The following OR5D16 variants were observed in gnomAD, a reference collection of about 807,000 sequenced individuals.
The protein encoded by OR5D16 is olfactory receptor 5D16.
For synonymous variants in OR5D16, 185 were observed against 153.2 expected, an observed-to-expected ratio of 1.21 and a Z score of -1.53; for missense variants, 477 against 385.5, an observed-to-expected ratio of 1.24 and a Z score of -1.99.
chr11:55,839,249 A>C lies in OR5D16; in HGVS notation c.498A>C (p.Leu166Phe), dbSNP rs745715825. The change falls in exon 1 of 1, where the codon TTA (leucine) becomes TTC (phenylalanine). Residue 166 changes from leucine (L) to phenylalanine (F), a missense_variant. Leu to Phe is a conservative substitution (Grantham distance 22, BLOSUM62 0). Coordinates refer to ENST00000378396, the MANE Select transcript of OR5D16 (RefSeq NM_001005496.1). ...CCCTGACACTCGCGTGCTCTGCTTT[A>C]AAGTTATCTTTTCATGGTTTCAACA... is the stretch of plus-strand genomic sequence containing the variant. ...ACSLTLACSA[L>F]KLSFHGFNTI... 1 of 1,613,970 alleles carries C rather than the reference A, an allele frequency of 6.2e-7. No homozygotes were observed. The highest frequency in any genetic ancestry group is 8.5e-7 in the Non-Finnish European group (1 of 1,179,968).
chr11:55,838,926 A>AC lies in OR5D16; in HGVS notation c.180dup (p.Met61HisfsTer32), dbSNP rs1854047399. 1 of 1,613,466 alleles carries AC rather than the reference A, an allele frequency of 6.2e-7. No individual in the cohort carries two copies. The highest frequency in any genetic ancestry group is 1.3e-5 in the African/African-American group (1 of 74,824). On this transcript the variant is annotated frameshift_variant, in exon 1 of 1. Coordinates refer to ENST00000378396, the MANE Select transcript of OR5D16 (RefSeq NM_001005496.1). LOFTEE classifies it low-confidence loss of function (END_TRUNC). Reference sequence around the variant, plus strand: ...CATCAAAATTAACCCAAAATTGCATACCCCCATGTATTTTTTCCTCAACCA... The same window carrying AC: ...CATCAAAATTAACCCAAAATTGCATACCCCCCATGTATTTTTTCCTCAACCA...
Position 55,838,913 on chromosome 11 carries a change from C to T in OR5D16, c.162C>T (p.Asn54=), listed in dbSNP as rs771450062. The T allele has an allele frequency of 6.2e-7, 1 of 1,613,944 alleles. No individual in the cohort carries two copies. Among genetic ancestry groups the T allele is most frequent in the Non-Finnish European group, 8.5e-7 (1 of 1,179,914 alleles). Residue 54 remains asparagine, a synonymous_variant, in exon 1 of 1, where the codon AAC becomes AAT. Transcript: ENST00000378396. ...NLGMIVIIKI[N]PKLHTPMYFF... is the part of the protein sequence containing the mutation. Reference sequence around the variant, plus strand: ...GGATGATAGTGATCATCAAAATTAACCCAAAATTGCATACCCCCATGTATT... The same window carrying T: ...GGATGATAGTGATCATCAAAATTAATCCAAAATTGCATACCCCCATGTATT...
In OR5D16 at chr11:55,839,463, A is replaced by C. The variant is rs142036484; in HGVS notation, c.712A>C (p.Lys238Gln). 6.0e-5 allele frequency: 97 copies of C among 1,613,876 alleles called. No homozygotes were observed. The highest frequency in any genetic ancestry group is 7.1e-5 in the Non-Finnish European group (84 of 1,179,956). Residue 238 changes from lysine (K) to glutamine (Q), a missense_variant, in exon 1 of 1, where the codon AAA becomes CAA. Physicochemically the swap from Lys to Gln is moderately conservative, Grantham distance 53. Transcript: ENST00000378396. ...LKMPSASGHR[K>Q]VFSTCASHLT... is the part of the protein sequence containing the mutation. ...GATGCCTTCAGCCAGTGGGCACCGCAAAGTCTTCTCCACCTGTGCCTCCCA... is the reference window on the plus strand; with the variant it reads ...GATGCCTTCAGCCAGTGGGCACCGCCAAGTCTTCTCCACCTGTGCCTCCCA...
chr11:55,839,139 A>C lies in OR5D16; in HGVS notation c.388A>C (p.Asn130His), dbSNP rs966730591. The change falls in exon 1 of 1, where the codon AAT (asparagine) becomes CAT (histidine). Residue 130 changes from asparagine (N) to histidine (H), a missense_variant. Transcript: ENST00000378396. ...CTATGACCACTTTGTGGCCATTTGC[A>C]ATCCTCTGCTCTACACAGTTGCCAT... Reference protein sequence around the residue: ...MAYDHFVAICNPLLYTVAISQ... With the variant: ...MAYDHFVAICHPLLYTVAISQ... 6.8e-6 allele frequency: 11 copies of C among 1,614,036 alleles called. No homozygotes were observed. Among genetic ancestry groups the C allele is most frequent in the Non-Finnish European group, 9.3e-6 (11 of 1,179,988 alleles).
Position 55,839,022 on chromosome 11 carries a change from G to A in OR5D16, c.271G>A (p.Asp91Asn), listed in dbSNP as rs1348504441. 1 of 1,614,050 alleles carries A rather than the reference G, an allele frequency of 6.2e-7. No homozygotes were observed. Among genetic ancestry groups the A allele is most frequent in the Non-Finnish European group, 8.5e-7 (1 of 1,179,956 alleles). The change falls in exon 1 of 1, where the codon GAT becomes AAT. Residue 91 changes from aspartate (D) to asparagine (N), a missense_variant. Asp to Asn is a conservative substitution (Grantham distance 23). Coordinates refer to ENST00000378396, the MANE Select transcript of OR5D16 (RefSeq NM_001005496.1). Reference sequence around the variant, plus strand: ...GATGCTGGTGAACCTGGTTGTAGAAGATAGAACCATTTCATTCTCAGGATG... The same window carrying A: ...GATGCTGGTGAACCTGGTTGTAGAAAATAGAACCATTTCATTCTCAGGATG... ...PMMLVNLVVE[D>N]RTISFSGCLV...
rs1297589017 is a variant in OR5D16, at chr11:55,839,499, A to G, written c.748A>G (p.Ile250Val). 1.9e-6 allele frequency: 3 copies of G among 1,613,926 alleles called. No individual in the cohort carries two copies. Among genetic ancestry groups the G allele is most frequent in the African/African-American group, 1.3e-5 (1 of 74,894 alleles). ...CACCTGTGCCTCCCACCTGACTGCC[A>G]TCACCATCTTCCATGGCACCATCCT... ...FSTCASHLTAITIFHGTILFL... is the reference protein window; with the variant it reads ...FSTCASHLTAVTIFHGTILFL... Residue 250 changes from isoleucine (I) to valine (V), a missense_variant, in exon 1 of 1, where the codon ATC becomes GTC. Physicochemically the swap from Ile to Val is conservative, Grantham distance 29 (BLOSUM62 3). Transcript: ENST00000378396.
rs1381642504 is a variant in OR5D16 at position 55,838,790 on chromosome 11, A to G, written c.39A>G (p.Thr13=). The change falls in exon 1 of 1, where the codon ACA becomes ACG. Residue 13 remains threonine, a synonymous_variant. Coordinates refer to ENST00000378396, the MANE Select transcript of OR5D16 (RefSeq NM_001005496.1). ...AGAGAAATACGACATCTGAGGCCAC[A>G]TTCACTCTCTTGGGCTTCTCAGATT... is the stretch of plus-strand genomic sequence containing the variant. ...LTERNTTSEA[T]FTLLGFSDYL... 6.2e-7 allele frequency: 1 copy of G among 1,613,282 alleles called. No individual in the cohort carries two copies. Among genetic ancestry groups the G allele is most frequent in the Admixed American group, 1.7e-5 (1 of 59,916 alleles).
Position 55,839,235 on chromosome 11 carries a change from G to T in OR5D16, c.484G>T (p.Ala162Ser). The T allele has an allele frequency of 1.2e-6, 2 of 1,613,872 alleles. No individual in the cohort carries two copies. The highest frequency in any genetic ancestry group is 1.7e-6 in the Non-Finnish European group (2 of 1,179,950). The stretch of plus-strand genomic sequence containing the variant: ...GGGAGTCGCATGTTCCCTGACACTC[G>T]CGTGCTCTGCTTTAAAGTTATCTTT... Reference protein sequence around the residue: ...AWGVACSLTLACSALKLSFHG... With the variant: ...AWGVACSLTLSCSALKLSFHG... Residue 162 changes from alanine to serine, a missense_variant, in exon 1 of 1, where the codon GCG (alanine) becomes TCG (serine). By Grantham distance (99) the Ala-to-Ser change is moderately conservative (BLOSUM62 1). Coordinates refer to ENST00000378396, the MANE Select transcript of OR5D16 (RefSeq NM_001005496.1).
chr11:55,839,131 C>T lies in OR5D16; in HGVS notation c.380C>T (p.Ala127Val), dbSNP rs752257049. The T allele has an allele frequency of 3.1e-6, 5 of 1,613,778 alleles. No individual in the cohort carries two copies. The highest frequency in any genetic ancestry group is 4.2e-6 in the Non-Finnish European group (5 of 1,179,964). The change falls in exon 1 of 1, where the codon GCC (alanine) becomes GTC (valine). Residue 127 changes from alanine (A) to valine (V), a missense_variant. By Grantham distance (64) the Ala-to-Val change is moderately conservative. Transcript: ENST00000378396. ...FAVMAYDHFV[A>V]ICNPLLYTVA... is the part of the protein sequence containing the mutation. ...GTGATGGCCTATGACCACTTTGTGG[C>T]CATTTGCAATCCTCTGCTCTACACA...
rs768423463 is a variant in OR5D16, at chr11:55,838,894, T to C, written c.143T>C (p.Ile48Thr). The C allele has an allele frequency of 1.9e-6, 3 of 1,614,022 alleles. No individual in the cohort carries two copies. The highest frequency in any genetic ancestry group is 1.7e-6 in the Non-Finnish European group (2 of 1,179,954). ...AGTGTGGTAGGGAATCTTGGGATGA[T>C]AGTGATCATCAAAATTAACCCAAAA... ...GFSVVGNLGM[I>T]VIIKINPKLH... The change falls in exon 1 of 1, where the codon ATA (isoleucine) becomes ACA (threonine). Residue 48 changes from isoleucine to threonine, a missense_variant. Physicochemically the swap from Ile to Thr is moderately conservative, Grantham distance 89. Coordinates refer to ENST00000378396, the MANE Select transcript of OR5D16 (RefSeq NM_001005496.1).
At position 55,839,536 on chromosome 11, in the gene OR5D16, G is replaced by A. The variant is rs773915836; in HGVS notation, c.785G>A (p.Cys262Tyr). ...IFHGTILFLYCVPNSKNSRHT... is the reference protein window; with the variant it reads ...IFHGTILFLYYVPNSKNSRHT... ...CATGGCACCATCCTCTTCCTCTACT[G>A]TGTACCCAACTCCAAAAACTCCAGG... is the stretch of plus-strand genomic sequence containing the variant. Residue 262 changes from cysteine to tyrosine, a missense_variant, in exon 1 of 1, where the codon TGT (cysteine) becomes TAT (tyrosine). Cys to Tyr is a radical substitution (Grantham distance 194, BLOSUM62 -2). Coordinates refer to ENST00000378396, the MANE Select transcript of OR5D16 (RefSeq NM_001005496.1). 3.1e-6 allele frequency: 5 copies of A among 1,613,950 alleles called. No individual in the cohort carries two copies. In the South Asian group the frequency reaches 5.5e-5, roughly 18 times the overall value.
rs752464143 is a variant in OR5D16 at position 55,838,774 on chromosome 11, C to T, written c.23C>T (p.Thr8Met). The T allele has an allele frequency of 6.5e-5, 104 of 1,609,424 alleles. No homozygotes were observed. In the East Asian group the frequency reaches 7.6e-4, roughly 12 times the overall value. Reference sequence around the variant, plus strand: ...AACATGTTTCTGACAGAGAGAAATACGACATCTGAGGCCACATTCACTCTC... The same window carrying T: ...AACATGTTTCTGACAGAGAGAAATATGACATCTGAGGCCACATTCACTCTC... MFLTERN[T>M]TSEATFTLLG... Residue 8 changes from threonine to methionine, a missense_variant, in exon 1 of 1, where the codon ACG becomes ATG. By Grantham distance (81) the Thr-to-Met change is moderately conservative. Transcript: ENST00000378396.
Position 55,839,480 on chromosome 11 carries a change from T to G in OR5D16, c.729T>G (p.Cys243Trp). 1 of 1,614,072 alleles carries G rather than the reference T, an allele frequency of 6.2e-7. No individual in the cohort carries two copies. Residue 243 changes from cysteine to tryptophan, a missense_variant, in exon 1 of 1, where the codon TGT (cysteine) becomes TGG (tryptophan). Coordinates refer to ENST00000378396, the MANE Select transcript of OR5D16 (RefSeq NM_001005496.1). Reference sequence around the variant, plus strand: ...GGCACCGCAAAGTCTTCTCCACCTGTGCCTCCCACCTGACTGCCATCACCA... The same window carrying G: ...GGCACCGCAAAGTCTTCTCCACCTGGGCCTCCCACCTGACTGCCATCACCA... The part of the protein sequence containing the change: ...ASGHRKVFST[C>W]ASHLTAITIF...
rs1565126181 is a variant in OR5D16, at chr11:55,838,793, C to G, written c.42C>G (p.Phe14Leu). 1 of 1,613,036 alleles carries G rather than the reference C, an allele frequency of 6.2e-7. No homozygotes were observed. Residue 14 changes from phenylalanine to leucine, a missense_variant, in exon 1 of 1, where the codon TTC becomes TTG. Coordinates refer to ENST00000378396, the MANE Select transcript of OR5D16 (RefSeq NM_001005496.1). ...TERNTTSEATFTLLGFSDYLE... is the reference protein window; with the variant it reads ...TERNTTSEATLTLLGFSDYLE... Reference sequence around the variant, plus strand: ...GAAATACGACATCTGAGGCCACATTCACTCTCTTGGGCTTCTCAGATTACC... The same window carrying G: ...GAAATACGACATCTGAGGCCACATTGACTCTCTTGGGCTTCTCAGATTACC...
rs78376804 is a variant in OR5D16 at position 55,839,358 on chromosome 11, A to G, written c.607A>G (p.Thr203Ala). 6.2e-7 allele frequency: 1 copy of G among 1,613,938 alleles called. No homozygotes were observed. The highest frequency in any genetic ancestry group is 8.5e-7 in the Non-Finnish European group (1 of 1,179,944). ...TTATCTCAGCCAGTTGCTTCTTTTC[A>G]CTGTTGCCACTTTTAATGAGATAAG... ...DSYLSQLLLF[T>A]VATFNEISTL... The change falls in exon 1 of 1, where the codon ACT becomes GCT. Residue 203 changes from threonine (T) to alanine (A), a missense_variant. By Grantham distance (58) the Thr-to-Ala change is moderately conservative. Coordinates refer to ENST00000378396, the MANE Select transcript of OR5D16 (RefSeq NM_001005496.1).
Position 55,839,177 on chromosome 11 carries a change from C to T in OR5D16, c.426C>T (p.Leu142=). The T allele has an allele frequency of 1.2e-6, 2 of 1,614,068 alleles. No individual in the cohort carries two copies. Among genetic ancestry groups the T allele is most frequent in the Non-Finnish European group, 1.7e-6 (2 of 1,179,988 alleles). The change falls in exon 1 of 1, where the codon CTC becomes CTT. Residue 142 remains leucine, a synonymous_variant. Coordinates refer to ENST00000378396, the MANE Select transcript of OR5D16 (RefSeq NM_001005496.1). The part of the protein sequence containing the change: ...LLYTVAISQK[L]CAMLVVVLYA... ...ACACAGTTGCCATCTCCCAGAAACTCTGTGCCATGCTGGTGGTTGTATTGT... is the reference window on the plus strand; with the variant it reads ...ACACAGTTGCCATCTCCCAGAAACTTTGTGCCATGCTGGTGGTTGTATTGT...
At position 55,839,213 on chromosome 11, in the gene OR5D16, A is replaced by G. The variant is rs763301765; in HGVS notation, c.462A>G (p.Gly154=). 1.9e-6 allele frequency: 3 copies of G among 1,613,872 alleles called. No individual in the cohort carries two copies. The highest frequency in any genetic ancestry group is 8.5e-7 in the Non-Finnish European group (1 of 1,179,920). Residue 154 remains glycine (G), a synonymous_variant, in exon 1 of 1, where the codon GGA becomes GGG. Coordinates refer to ENST00000378396, the MANE Select transcript of OR5D16 (RefSeq NM_001005496.1). ...AMLVVVLYAW[G]VACSLTLACS... ...TGGTGGTTGTATTGTATGCATGGGG[A>G]GTCGCATGTTCCCTGACACTCGCGT...
Position 55,839,237 on chromosome 11 carries a change from G to T in OR5D16, c.486G>T (p.Ala162=), listed in dbSNP as rs201981572. ...AWGVACSLTL[A]CSALKLSFHG... is the part of the protein sequence containing the mutation. ...GAGTCGCATGTTCCCTGACACTCGC[G>T]TGCTCTGCTTTAAAGTTATCTTTTC... Residue 162 remains alanine, a synonymous_variant, in exon 1 of 1, where the codon GCG becomes GCT. Coordinates refer to ENST00000378396, the MANE Select transcript of OR5D16 (RefSeq NM_001005496.1). The T allele has an allele frequency of 6.2e-7, 1 of 1,613,890 alleles. No homozygotes were observed. The highest frequency in any genetic ancestry group is 8.5e-7 in the Non-Finnish European group (1 of 1,179,962).
chr11:55,839,204 T>C lies in OR5D16; in HGVS notation c.453T>C (p.Tyr151=). 4 of 1,613,992 alleles carry C rather than the reference T, an allele frequency of 2.5e-6. No individual in the cohort carries two copies. Among genetic ancestry groups the C allele is most frequent in the South Asian group, 1.1e-5 (1 of 91,084 alleles). Residue 151 remains tyrosine (Y), a synonymous_variant, in exon 1 of 1, where the codon TAT becomes TAC. Transcript: ENST00000378396. The stretch of plus-strand genomic sequence containing the variant: ...GTGCCATGCTGGTGGTTGTATTGTA[T>C]GCATGGGGAGTCGCATGTTCCCTGA... ...KLCAMLVVVL[Y]AWGVACSLTL...
Sources: gnomAD v4.1 joint callset for allele counts on GRCh38, gnomAD v4.1.1 for gene constraint, MANE v1.5 for transcripts, NCBI Gene and HGNC (gene_info 2026-07-23, HGNC 2026-07-21) for gene names.